Variants in KRTAP19-1 observed in about 807,000 individuals in gnomAD.
KRTAP19-1 encodes the protein keratin-associated protein 19-1.
For synonymous variants in KRTAP19-1, 45 were observed against 48.3 expected (o/e 0.93, Z 0.28); for missense variants, 116 against 113.6 (o/e 1.02, Z -0.10).
Position 30,480,204 on chromosome 21 carries a change from G to T in KRTAP19-1, c.114C>A (p.Gly38=), listed in dbSNP as rs376648722. The change falls in exon 1 of 1, where the codon GGC becomes GGA. Residue 38 remains glycine, a synonymous_variant. Transcript: ENST00000390689. ...GCGSFCRRGS[G]CGYGGYGYGS... ...CATATCCGTAGCCTCCATAGCCACA[G>T]CCAGAACCCCGTCTGCAGAAGCTGC... 12 of 1,614,128 alleles carry T rather than the reference G, an allele frequency of 7.4e-6. No individual in the cohort carries two copies. In the South Asian group the frequency reaches 1.2e-4, roughly 16 times the overall value.
rs1985722251 is a variant in KRTAP19-1 at position 30,479,952 on chromosome 21, G to A, written c.*93C>T. 4 of 1,473,304 alleles carry A rather than the reference G, an allele frequency of 2.7e-6. No homozygotes were observed. In the Admixed American group the frequency reaches 5.4e-5, roughly 20 times the overall value. The allele number at this position is 1,473,304 out of a possible 1,614,324, so 91.3% of individuals were successfully genotyped here. On this transcript the variant is annotated 3_prime_UTR_variant, in exon 1 of 1. Transcript: ENST00000390689. ...AGCTAAATATCTCTCCATTGATGCTGAAGGCAATAGAATGGATTTTTGGAA... is the reference window on the plus strand; with the variant it reads ...AGCTAAATATCTCTCCATTGATGCTAAAGGCAATAGAATGGATTTTTGGAA...
In KRTAP19-1 at chr21:30,479,995, A is replaced by G; in HGVS notation, c.*50T>C. 6.2e-7 allele frequency: 1 copy of G among 1,612,446 alleles called. No homozygotes were observed. The highest frequency in any genetic ancestry group is 8.5e-7 in the Non-Finnish European group (1 of 1,178,644). On this transcript the variant is annotated 3_prime_UTR_variant, in exon 1 of 1. Coordinates refer to ENST00000390689, the MANE Select transcript of KRTAP19-1 (RefSeq NM_181607.3). ...TTTTGGAATGAAAGCACGGGACAGG[A>G]CCAAACACATTTGGAGGTTTCTCCT... is the stretch of plus-strand genomic sequence containing the variant.
At position 30,480,070 on chromosome 21, in the gene KRTAP19-1, C is replaced by A. The variant is rs1254093407; in HGVS notation, c.248G>T (p.Gly83Val). The A allele has an allele frequency of 1.2e-6, 2 of 1,614,198 alleles. No individual in the cohort carries two copies. The highest frequency in any genetic ancestry group is 2.2e-5 in the East Asian group (1 of 44,880). ...TTAATAAAAGCCAGAGAATCCGTAT[C>A]CTCCATTGTACGATGGGCGGCAGCA... is the stretch of plus-strand genomic sequence containing the variant. ...YGCCRPSYNG[G>V]YGFSGFY Residue 83 changes from glycine (G) to valine (V), a missense_variant, in exon 1 of 1, where the codon GGA (glycine) becomes GTA (valine). Gly to Val is a moderately radical substitution (Grantham distance 109). Coordinates refer to ENST00000390689, the MANE Select transcript of KRTAP19-1 (RefSeq NM_181607.3).
rs552701043 is a variant in KRTAP19-1, at chr21:30,480,034, C to T, written c.*11G>A. ...GAGGTTTCTCCTCTGCTTCCAATTT[C>T]AGCAATTCATTTAATAAAAGCCAGA... On this transcript the variant is annotated 3_prime_UTR_variant, in exon 1 of 1. Transcript: ENST00000390689. 6.2e-7 allele frequency: 1 copy of T among 1,614,174 alleles called. No homozygotes were observed. Among genetic ancestry groups the T allele is most frequent in the Non-Finnish European group, 8.5e-7 (1 of 1,180,012 alleles).
Position 30,479,937 on chromosome 21 carries a change from C to G in KRTAP19-1, c.*108G>C. 1.5e-6 allele frequency: 2 copies of G among 1,350,244 alleles called. No individual in the cohort carries two copies. Among genetic ancestry groups the G allele is most frequent in the South Asian group, 2.6e-5 (2 of 76,142 alleles). The allele number at this position is 1,350,244 out of a possible 1,614,324, so 83.6% of individuals were successfully genotyped here. A position where few individuals can be genotyped will look rare whatever the true frequency, so the allele number is the denominator to read the frequency against. The stretch of plus-strand genomic sequence containing the variant: ...TTAAAGATTTAACATAGCTAAATAT[C>G]TCTCCATTGATGCTGAAGGCAATAG... On this transcript the variant is annotated 3_prime_UTR_variant, in exon 1 of 1. Coordinates refer to ENST00000390689, the MANE Select transcript of KRTAP19-1 (RefSeq NM_181607.3).
chr21:30,479,847 T>C lies in KRTAP19-1; in HGVS notation c.*198A>G. 1 of 760,050 alleles carries C rather than the reference T, an allele frequency of 1.3e-6. No homozygotes were observed. Among genetic ancestry groups the C allele is most frequent in the Non-Finnish European group, 2.1e-6 (1 of 474,802 alleles). 47.1% of individuals were successfully genotyped at this position (760,050 alleles called of 1,614,324 possible). ...CTAGAGTAGTTATACATGAATATGA[T>C]TTCAGGTGACGGACTCCGAAAGTAA... On this transcript the variant is annotated 3_prime_UTR_variant, in exon 1 of 1. Transcript: ENST00000390689.
rs1057407673 is a variant in KRTAP19-1 at position 30,479,834 on chromosome 21, T to C, written c.*211A>G. 2 of 684,274 alleles carry C rather than the reference T, an allele frequency of 2.9e-6. No homozygotes were observed. Among genetic ancestry groups the C allele is most frequent in the Non-Finnish European group, 2.4e-6 (1 of 412,374 alleles). 42.4% of individuals were successfully genotyped at this position (684,274 alleles called of 1,614,324 possible). A position where few individuals can be genotyped will look rare whatever the true frequency, so the allele number is the denominator to read the frequency against. Reference sequence around the variant, plus strand: ...TTAGAAGAACAACCTAGAGTAGTTATACATGAATATGATTTCAGGTGACGG... The same window carrying C: ...TTAGAAGAACAACCTAGAGTAGTTACACATGAATATGATTTCAGGTGACGG... On this transcript the variant is annotated 3_prime_UTR_variant, in exon 1 of 1. Coordinates refer to ENST00000390689, the MANE Select transcript of KRTAP19-1 (RefSeq NM_181607.3).
rs1985720879 is a variant in KRTAP19-1 at position 30,479,881 on chromosome 21, C to T, written c.*164G>A. ...ACGGACTCCGAAAGTAAAAAGACAA[C>T]AAATATTCACAGAAGCAGCTTAAAT... On this transcript the variant is annotated 3_prime_UTR_variant, in exon 1 of 1. Transcript: ENST00000390689. The T allele has an allele frequency of 2.0e-6, 2 of 985,180 alleles. No homozygotes were observed. The highest frequency in any genetic ancestry group is 3.2e-5 in the South Asian group (2 of 61,948). The allele number at this position is 985,180 out of a possible 1,614,324, so 61.0% of individuals were successfully genotyped here. A position where few individuals can be genotyped will look rare whatever the true frequency, so the allele number is the denominator to read the frequency against.
In KRTAP19-1 at chr21:30,480,363, A is replaced by G. The variant is rs1419354898; in HGVS notation, c.-46T>C. On this transcript the variant is annotated 5_prime_UTR_variant, in exon 1 of 1. Transcript: ENST00000390689. ...GGTTTGTTGTTCAGGCAAGATCCTG[A>G]GTGTGAATGCCAGCATGTATAGGAG... is the stretch of plus-strand genomic sequence containing the variant. 1 of 1,608,836 alleles carries G rather than the reference A, an allele frequency of 6.2e-7. No homozygotes were observed.
At position 30,479,871 on chromosome 21, in the gene KRTAP19-1, A is replaced by G. The variant is rs1031806431; in HGVS notation, c.*174T>C. 1.6e-5 allele frequency: 15 copies of G among 933,882 alleles called. No homozygotes were observed. The highest frequency in any genetic ancestry group is 3.3e-5 in the African/African-American group (2 of 60,604). 57.8% of individuals were successfully genotyped at this position (933,882 alleles called of 1,614,324 possible). On this transcript the variant is annotated 3_prime_UTR_variant, in exon 1 of 1. Coordinates refer to ENST00000390689, the MANE Select transcript of KRTAP19-1 (RefSeq NM_181607.3). ...ATTTCAGGTGACGGACTCCGAAAGT[A>G]AAAAGACAACAAATATTCACAGAAG...
At position 30,479,845 on chromosome 21, in the gene KRTAP19-1, G is replaced by T; in HGVS notation, c.*200C>A. On this transcript the variant is annotated 3_prime_UTR_variant, in exon 1 of 1. Coordinates refer to ENST00000390689, the MANE Select transcript of KRTAP19-1 (RefSeq NM_181607.3). ...ACCTAGAGTAGTTATACATGAATAT[G>T]ATTTCAGGTGACGGACTCCGAAAGT... 1.3e-6 allele frequency: 1 copy of T among 744,058 alleles called. No individual in the cohort carries two copies. The highest frequency in any genetic ancestry group is 2.2e-6 in the Non-Finnish European group (1 of 461,522). 46.1% of individuals were successfully genotyped at this position (744,058 alleles called of 1,614,324 possible). A position where few individuals can be genotyped will look rare whatever the true frequency, so the allele number is the denominator to read the frequency against.
In KRTAP19-1 at chr21:30,479,729, G is replaced by T; in HGVS notation, c.*316C>A. 3.5e-6 allele frequency: 1 copy of T among 288,646 alleles called. No homozygotes were observed. The highest frequency in any genetic ancestry group is 6.5e-6 in the Non-Finnish European group (1 of 153,762). The allele number at this position is 288,646 out of a possible 1,614,324, so 17.9% of individuals were successfully genotyped here. A position where few individuals can be genotyped will look rare whatever the true frequency, so the allele number is the denominator to read the frequency against. The stretch of plus-strand genomic sequence containing the variant: ...TATTTATACTTTACTTCATTTATTA[G>T]ATAAAAGCAAAATACAAGTTTTTGC... On this transcript the variant is annotated 3_prime_UTR_variant, in exon 1 of 1. Coordinates refer to ENST00000390689, the MANE Select transcript of KRTAP19-1 (RefSeq NM_181607.3).
rs533482116 is a variant in KRTAP19-1, at chr21:30,480,173, C to T, written c.145G>A (p.Gly49Ser). 6.2e-7 allele frequency: 1 copy of T among 1,614,136 alleles called. No individual in the cohort carries two copies. Among genetic ancestry groups the T allele is most frequent in the South Asian group, 1.1e-5 (1 of 91,074 alleles). Reference sequence around the variant, plus strand: ...GAGCCATATCCGTAGCTTCCAAAGCCAGAGCCATATCCGTAGCCTCCATAG... The same window carrying T: ...GAGCCATATCCGTAGCTTCCAAAGCTAGAGCCATATCCGTAGCCTCCATAG... ...CGYGGYGYGS[G>S]FGSYGYGSGF... Residue 49 changes from glycine (G) to serine (S), a missense_variant, in exon 1 of 1, where the codon GGC becomes AGC. Physicochemically the swap from Gly to Ser is moderately conservative, Grantham distance 56. Coordinates refer to ENST00000390689, the MANE Select transcript of KRTAP19-1 (RefSeq NM_181607.3).
rs374381859 is a variant in KRTAP19-1 at position 30,479,887 on chromosome 21, T to C, written c.*158A>G. On this transcript the variant is annotated 3_prime_UTR_variant, in exon 1 of 1. Coordinates refer to ENST00000390689, the MANE Select transcript of KRTAP19-1 (RefSeq NM_181607.3). ...TCCGAAAGTAAAAAGACAACAAATA[T>C]TCACAGAAGCAGCTTAAATCTATTT... 3 of 1,016,670 alleles carry C rather than the reference T, an allele frequency of 3.0e-6. No individual in the cohort carries two copies. The African/African-American group carries it at 4.8e-5, about 16-fold the overall frequency. 63.0% of individuals were successfully genotyped at this position (1,016,670 alleles called of 1,614,324 possible).
Position 30,480,066 on chromosome 21 carries a change from G to A in KRTAP19-1, c.252C>T (p.Tyr84=), listed in dbSNP as rs1196043751. ...GCCRPSYNGG[Y]GFSGFY ...TCATTTAATAAAAGCCAGAGAATCC[G>A]TATCCTCCATTGTACGATGGGCGGC... Residue 84 remains tyrosine (Y), a synonymous_variant, in exon 1 of 1, where the codon TAC becomes TAT. Transcript: ENST00000390689. 8 of 1,613,966 alleles carry A rather than the reference G, an allele frequency of 5.0e-6. No individual in the cohort carries two copies. The African/African-American group carries it at 5.3e-5, about 11-fold the overall frequency.
In KRTAP19-1 at chr21:30,480,151, C is replaced by A. The variant is rs761271539; in HGVS notation, c.167G>T (p.Gly56Val). 23 of 1,613,482 alleles carry A rather than the reference C, an allele frequency of 1.4e-5. No homozygotes were observed. Among genetic ancestry groups the A allele is most frequent in the South Asian group, 2.2e-5 (2 of 91,086 alleles). The change falls in exon 1 of 1, where the codon GGC becomes GTC. Residue 56 changes from glycine to valine, a missense_variant. By Grantham distance (109) the Gly-to-Val change is moderately radical (BLOSUM62 -3). Coordinates refer to ENST00000390689, the MANE Select transcript of KRTAP19-1 (RefSeq NM_181607.3). ...ATATCCGTAGCCTCCAAAGCCAGAG[C>A]CATATCCGTAGCTTCCAAAGCCAGA... ...YGSGFGSYGY[G>V]SGFGGYGYGS...
At position 30,480,309 on chromosome 21, in the gene KRTAP19-1, G is replaced by C; in HGVS notation, c.9C>G (p.His3Gln). 1 of 1,614,192 alleles carries C rather than the reference G, an allele frequency of 6.2e-7. No individual in the cohort carries two copies. Among genetic ancestry groups the C allele is most frequent in the Non-Finnish European group, 8.5e-7 (1 of 1,180,018 alleles). The change falls in exon 1 of 1, where the codon CAC becomes CAG. Residue 3 changes from histidine (H) to glutamine (Q), a missense_variant. By Grantham distance (24) the His-to-Gln change is conservative (BLOSUM62 0). Transcript: ENST00000390689. MS[H>Q]YGSYYGGLGY... ...CCAGGCCTCCGTAGTAGCTGCCGTA[G>C]TGACTCATGGTGTCAGGAGTGGTGA...
Position 30,479,913 on chromosome 21 carries a change from T to G in KRTAP19-1, c.*132A>C. On this transcript the variant is annotated 3_prime_UTR_variant, in exon 1 of 1. Transcript: ENST00000390689. ...TCACAGAAGCAGCTTAAATCTATTTTAAAGATTTAACATAGCTAAATATCT... is the reference window on the plus strand; with the variant it reads ...TCACAGAAGCAGCTTAAATCTATTTGAAAGATTTAACATAGCTAAATATCT... The G allele has an allele frequency of 8.2e-7, 1 of 1,222,812 alleles. No individual in the cohort carries two copies. The highest frequency in any genetic ancestry group is 1.5e-5 in the South Asian group (1 of 68,486). 75.7% of individuals were successfully genotyped at this position (1,222,812 alleles called of 1,614,324 possible).
the KRTAP19-1 span, chr21:30,480,249 A>C: frequency 1.9e-6 from 3 of 1,613,970 alleles, no homozygotes; most frequent in African/African-American, 4.0e-5. Context: ...AGCCATAGCC[A>C]TAGCCCAGGC....
Sources: gnomAD v4.1 joint callset for allele counts on GRCh38, gnomAD v4.1.1 for gene constraint, MANE v1.5 for transcripts, NCBI Gene and HGNC (gene_info 2026-07-23, HGNC 2026-07-21) for gene names.